The following KIFAP3 variants were observed in gnomAD, a reference collection of about 807,000 sequenced individuals.
KIFAP3 encodes kinesin associated protein 3, also known as kinesin-associated protein 3.
A neutral mutation model predicts 106.5 loss-of-function variants in KIFAP3; 68 were observed. That is an observed-to-expected ratio of 0.64 (90% CI 0.53 to 0.78). The LOEUF (loss-of-function observed/expected upper bound fraction) is 0.78, where lower values mean the gene tolerates loss of function less well. Ranked by LOEUF, KIFAP3 falls within the 30% of genes least tolerant of loss-of-function variation. The pLI is 0.00. For synonymous variants in KIFAP3, 320 were observed against 311.5 expected (o/e 1.03, Z -0.29); for missense variants, 780 against 941.8 (o/e 0.83, Z 2.25).
intron 3 of KIFAP3, among the ~76,000 whole-genome samples, chr1:170,042,321 T>C (rs1571718700): frequency 6.6e-6 from 1 of 152,160 alleles, no homozygotes; most frequent in East Asian, 1.9e-4. Context: ...TCTGCTCTTT[T>C]GGAAGCCACA....
At chr1:169,932,236 T>C (rs1024810120) in intron 19 of KIFAP3, among the ~76,000 whole-genome samples, 2 of 152,092 alleles carry the variant, frequency 1.3e-5, no homozygotes, top group African/African-American at 4.8e-5. Flanking sequence ...GTTTCTGATG[T>C]TGAACAGAGA....
chr1:170,031,409 A>G (rs1265176279), intron 8 of KIFAP3, among the ~76,000 whole-genome samples: 1 of 151,770 alleles, frequency 6.6e-6, no homozygotes, highest in Admixed American at 6.6e-5. Flanking sequence ...ATTATCACTA[A>G]CCACCATAAG....
At chr1:169,998,694 C>T (rs565242218) in intron 10 of KIFAP3, among the ~76,000 whole-genome samples, 2 of 152,130 alleles carry the variant, frequency 1.3e-5, no homozygotes, top group East Asian at 1.9e-4. Context: ...ATTTTATAAA[C>T]GGTCTTGTTA....
intron 11 of KIFAP3, among the ~76,000 whole-genome samples, chr1:169,989,293 ATAAG>A (rs1296827806): frequency 1.1e-4 from 17 of 151,600 alleles, no homozygotes; most frequent in African/African-American, 3.4e-4. Flanking sequence ...TCAAAATTCT[ATAAG>A]TAAGTTTCCT....
rs114685704 is a variant in KIFAP3, at chr1:170,041,619, G to T, written c.320-2331C>A. ...GGAGATGAGTCCAAGTGGCTGCCTG[G>T]CTTCTTTAAGCCAGGGGCTGTCTCT... On this transcript the variant is annotated intron_variant, in intron 3 of 19. Transcript: ENST00000361580. The T allele has an allele frequency of 2.6e-3, 3,666 of 1,403,328 alleles. 57 individuals carry two copies. In the African/African-American group the frequency reaches 0.035, roughly 13 times the overall value. 86.9% of individuals were successfully genotyped at this position (1,403,328 alleles called of 1,614,324 possible). A position where few individuals can be genotyped will look rare whatever the true frequency, so the allele number is the denominator to read the frequency against.
intron 17 of KIFAP3, among the ~76,000 whole-genome samples, chr1:169,961,803 G>C (rs1665351574): frequency 6.6e-6 from 1 of 151,972 alleles, no homozygotes; most frequent in Admixed American, 6.6e-5. Context: ...CCTTTCTCTA[G>C]CTTACATTAT....
chr1:169,953,959 T>C (rs991352446), intron 19 of KIFAP3, 52 bp downstream of exon 19: 13 of 1,278,404 alleles, frequency 1.0e-5, no homozygotes, highest in Admixed American at 1.7e-5. Context: ...GATTTTAGCT[T>C]TCCAAAAGCA....
At chr1:170,013,555 T>G (rs1255986571) in intron 10 of KIFAP3, among the ~76,000 whole-genome samples, 1 of 151,638 alleles carries the variant, frequency 6.6e-6, no homozygotes, top group East Asian at 1.9e-4. Flanking sequence ...AACTGGTATC[T>G]GATGAAGCCA....
At chr1:170,071,779 G>C (rs1211863871) in intron 1 of KIFAP3, among the ~76,000 whole-genome samples, 2 of 152,160 alleles carry the variant, frequency 1.3e-5, no homozygotes, top group Non-Finnish European at 2.9e-5. Flanking sequence ...GCCACAATGG[G>C]GGACCAAGTT....
At chr1:170,058,368 T>C (rs1670959060) in intron 1 of KIFAP3, among the ~76,000 whole-genome samples, 7 of 152,158 alleles carry the variant, frequency 4.6e-5, no homozygotes, top group Admixed American at 4.6e-4. Context: ...TTTTAGGAAG[T>C]GTTTGGTCTA....
chr1:169,965,948 C>G (rs1184259558), intron 17 of KIFAP3, among the ~76,000 whole-genome samples: 1 of 151,818 alleles, frequency 6.6e-6, no homozygotes, highest in Non-Finnish European at 1.5e-5. Flanking sequence ...TAATGACTGC[C>G]CTTACACATT....
intron 14 of KIFAP3, 120 bp downstream of exon 14, chr1:169,982,582 G>T: frequency 1.7e-6 from 1 of 575,726 alleles, no homozygotes; most frequent in Non-Finnish European, 2.9e-6. Flanking sequence ...GAAGAGAGCT[G>T]TGAGAAGAAA....
At chr1:170,065,613 CAAAAAAAAAA>C (rs71125225) in intron 1 of KIFAP3, among the ~76,000 whole-genome samples, 13 of 49,902 alleles carry the variant, frequency 2.6e-4, no homozygotes, top group Admixed American at 2.6e-3. Flanking sequence ...GACTCCACCT[CAAAAAAAAAA>C]AAAAAAAAAA....
intron 1 of KIFAP3, among the ~76,000 whole-genome samples, chr1:170,082,455 A>G (rs1035407324): frequency 2.6e-5 from 4 of 152,226 alleles, no homozygotes; most frequent in African/African-American, 9.6e-5. Context: ...GCCAGGCTGG[A>G]GGAAACTTTA....
chr1:170,030,974 C>T (rs1669376478), intron 8 of KIFAP3, among the ~76,000 whole-genome samples: 1 of 151,590 alleles, frequency 6.6e-6, no homozygotes, highest in African/African-American at 2.4e-5. Flanking sequence ...CTCAATAAAG[C>T]TGTTAAGAGA....
chr1:170,053,311 A>G (rs1406320749), intron 2 of KIFAP3, among the ~76,000 whole-genome samples: 1 of 152,214 alleles, frequency 6.6e-6, no homozygotes, highest in Non-Finnish European at 1.5e-5. Context: ...CTCTTCGAGG[A>G]GAACTACAAA....
intron 19 of KIFAP3, among the ~76,000 whole-genome samples, chr1:169,953,263 T>TC (rs986544860): frequency 2.1e-4 from 32 of 152,228 alleles, no homozygotes; most frequent in African/African-American, 4.1e-4. Flanking sequence ...ACTTTTTTTT[T>TC]CTCTTAATTA....
chr1:169,954,150 G>A, intron 18 of KIFAP3, 40 bp from the exon 19 acceptor site: 1 of 1,234,636 alleles, frequency 8.1e-7, no homozygotes, highest in East Asian at 2.3e-5. Context: ...AAACATATGT[G>A]TAGGAAAAAC....
chr1:169,942,919 C>A (rs1353059763), intron 19 of KIFAP3, among the ~76,000 whole-genome samples: 1 of 110,586 alleles, frequency 9.0e-6, no homozygotes, highest in Non-Finnish European at 1.7e-5. Context: ...CGCCCCCCCC[C>A]ACCCCTTTAA....
Sources: allele counts gnomAD v4.1 joint callset (sites outside exome capture counted in the v4.1 genomes callset), GRCh38; gene constraint gnomAD v4.1.1; transcripts MANE v1.5; gene names NCBI Gene and HGNC (gene_info 2026-07-23, HGNC 2026-07-21).